The following DLGAP3 variants were observed in gnomAD, a reference collection of about 807,000 sequenced individuals.
The protein encoded by DLGAP3 is disks large-associated protein 3.
A neutral mutation model predicts 81.2 loss-of-function variants in DLGAP3; 17 were observed. That is an observed-to-expected ratio of 0.21 (90% CI 0.14 to 0.31). The LOEUF (loss-of-function observed/expected upper bound fraction) is 0.31, where lower values mean the gene tolerates loss of function less well. Ranked by LOEUF, DLGAP3 falls within the 10% of genes least tolerant of loss-of-function variation. The probability of loss-of-function intolerance (pLI) is 1.00; values close to 1 mark genes in which losing one functional copy is unlikely to be tolerated. For missense variants in DLGAP3, 1,124 were observed against 1,388.0 expected, an observed-to-expected ratio of 0.81 and a Z score of 3.02; for synonymous variants, 577 against 587.4, an observed-to-expected ratio of 0.98 and a Z score of 0.26.
At chr1:34,897,307 A>C (rs1309562602) in intron 5 of DLGAP3, among the ~76,000 whole-genome samples, 1 of 152,216 alleles carries the variant, frequency 6.6e-6, no homozygotes, top group African/African-American at 2.4e-5. Context: ...GGAAGAAGAC[A>C]GAGAAGACCT....
chr1:34,885,345 G>A lies in DLGAP3; in HGVS notation c.1914+133C>T, dbSNP rs1639203756. 4.8e-6 allele frequency: 5 copies of A among 1,035,052 alleles called. No homozygotes were observed. The South Asian group carries it at 5.7e-5, about 12-fold the overall frequency. The allele number at this position is 1,035,052 out of a possible 1,614,324, so 64.1% of individuals were successfully genotyped here. On this transcript the variant is annotated intron_variant, in intron 7 of 11. Coordinates refer to ENST00000373347, the MANE Select transcript of DLGAP3 (RefSeq NM_001080418.3). ...GCTGGAGCAGCCCCGTCGATGTCCA[G>A]GCACGGGGTTCACTTGCAGCTCAGG...
intron 5 of DLGAP3, among the ~76,000 whole-genome samples, chr1:34,899,087 CTTTTTT>C (rs58075518): frequency 7.0e-6 from 1 of 142,112 alleles, no homozygotes; most frequent in Non-Finnish European, 1.5e-5. Flanking sequence ...ATCAATTCTA[CTTTTTT>C]TTTTTTTTTT....
chr1:34,865,659 G>C lies in DLGAP3; in HGVS notation c.*424C>G. 3.5e-6 allele frequency: 1 copy of C among 286,800 alleles called. No individual in the cohort carries two copies. The highest frequency in any genetic ancestry group is 6.8e-6 in the Non-Finnish European group (1 of 147,550). 17.8% of individuals were successfully genotyped at this position (286,800 alleles called of 1,614,324 possible). A position where few individuals can be genotyped will look rare whatever the true frequency, so the allele number is the denominator to read the frequency against. On this transcript the variant is annotated 3_prime_UTR_variant, in exon 12 of 12. Coordinates refer to ENST00000373347, the MANE Select transcript of DLGAP3 (RefSeq NM_001080418.3). ...AGGGTGGGGCGGGCTCCTAGGCAGG[G>C]TTCGGGATTCTTCATAAAAAGCCAC...
At chr1:34,916,187 C>T (rs889313134) in intron 1 of DLGAP3, among the ~76,000 whole-genome samples, 3 of 152,110 alleles carry the variant, frequency 2.0e-5, no homozygotes, top group African/African-American at 7.2e-5. Flanking sequence ...GCGATGACTC[C>T]CTGCAGCTGG....
intron 1 of DLGAP3, among the ~76,000 whole-genome samples, chr1:34,908,597 C>T (rs1351453308): frequency 6.6e-6 from 1 of 152,180 alleles, no homozygotes; most frequent in Non-Finnish European, 1.5e-5. Context: ...TTATTAGACA[C>T]AGGGATGTCA....
intron 1 of DLGAP3, among the ~76,000 whole-genome samples, chr1:34,928,664 G>A (rs72657955): frequency 0.053 from 8,000 of 151,964 alleles, 265 homozygotes; most frequent in Middle Eastern, 0.19. Context: ...CCCAGGTGTG[G>A]GTGATTCAGA....
At chr1:34,880,016 A>G (rs546137599) in intron 8 of DLGAP3, among the ~76,000 whole-genome samples, 1 of 152,316 alleles carries the variant, frequency 6.6e-6, no homozygotes, top group East Asian at 1.9e-4. Flanking sequence ...AAAGACGAAT[A>G]AAATGTAAGT....
chr1:34,870,218 A>G (rs1000915030), intron 8 of DLGAP3, among the ~76,000 whole-genome samples: 1 of 152,168 alleles, frequency 6.6e-6, no homozygotes, highest in Admixed American at 6.5e-5. Context: ...CTGAATTCAG[A>G]GTTCTTTTCT....
intron 1 of DLGAP3, among the ~76,000 whole-genome samples, chr1:34,927,476 G>A (rs1438572202): frequency 7.2e-5 from 11 of 152,134 alleles, no homozygotes; most frequent in Admixed American, 5.2e-4. Flanking sequence ...AAGCTCACTC[G>A]TTGGATGTGA....
chr1:34,886,450 G>A (rs979865953), intron 5 of DLGAP3, among the ~76,000 whole-genome samples, 165 bp from the exon 6 acceptor site: 16 of 152,212 alleles, frequency 1.1e-4, no homozygotes, highest in African/African-American at 3.6e-4. Context: ...AAGAAAGATG[G>A]GGGCATCTCT....
At chr1:34,928,724 C>T (rs1050506959) in intron 1 of DLGAP3, among the ~76,000 whole-genome samples, 4 of 151,790 alleles carry the variant, frequency 2.6e-5, no homozygotes, top group African/African-American at 7.3e-5. Flanking sequence ...CGCACGCGCG[C>T]GCACACGCAC....
At chr1:34,918,514 CA>C (rs1405343730) in intron 1 of DLGAP3, among the ~76,000 whole-genome samples, 1 of 152,204 alleles carries the variant, frequency 6.6e-6, no homozygotes, top group African/African-American at 2.4e-5. Context: ...GTGGGTCCAG[CA>C]CGTGGCTAAT....
Position 34,885,715 on chromosome 1 carries a change from C to T in DLGAP3, c.1677G>A (p.Gln559=). Reference sequence around the variant, plus strand: ...TCTCGTGCGCGGAGTCGGTGCTGCTCTGGGCGGTGATGGAGATGCGGGGCG... The same window carrying T: ...TCTCGTGCGCGGAGTCGGTGCTGCTTTGGGCGGTGATGGAGATGCGGGGCG... The part of the protein sequence containing the change: ...QAPPRISITA[Q]SSTDSAHESF... Residue 559 remains glutamine (Q), a synonymous_variant, in exon 7 of 12, where the codon CAG becomes CAA. Transcript: ENST00000373347. The T allele has an allele frequency of 7.0e-7, 1 of 1,426,674 alleles. No individual in the cohort carries two copies. The highest frequency in any genetic ancestry group is 9.1e-7 in the Non-Finnish European group (1 of 1,099,612). The allele number at this position is 1,426,674 out of a possible 1,614,324, so 88.4% of individuals were successfully genotyped here.
intron 8 of DLGAP3, among the ~76,000 whole-genome samples, chr1:34,876,465 G>A (rs1639058822): frequency 2.0e-5 from 3 of 152,234 alleles, no homozygotes; most frequent in South Asian, 2.1e-4. Flanking sequence ...GGCTGTGTGT[G>A]GCGGGCCAGG....
Position 34,904,289 on chromosome 1 carries a change from A to T in DLGAP3, c.1095T>A (p.Tyr365Ter). ...AAAAAAGCCTCACCTGCAGATAGTG[A>T]TAAGTCCTGGCTTTGGCCTTGGTCT... ...GPETKAKART[Y>*]HYLQVPQDDW... The change falls in exon 3 of 12, where the codon TAT (tyrosine) becomes TAA (stop). Residue 365 changes from tyrosine (Y) to a stop codon, truncating the protein, a stop_gained. Transcript: ENST00000373347. LOFTEE classifies it high-confidence loss of function. The surrounding 1 kb of genome is among the most constrained non-coding windows in gnomAD (Gnocchi z 8.1). The T allele has an allele frequency of 6.2e-7, 1 of 1,605,072 alleles. No homozygotes were observed. Among genetic ancestry groups the T allele is most frequent in the East Asian group, 2.2e-5 (1 of 44,874 alleles).
At chr1:34,916,128 C>T (rs992737401) in intron 1 of DLGAP3, among the ~76,000 whole-genome samples, 3 of 152,066 alleles carry the variant, frequency 2.0e-5, no homozygotes, top group Non-Finnish European at 4.4e-5. Context: ...AAGGAGTGCC[C>T]CACAGCTAAG....
chr1:34,871,769 T>G (rs771586500), intron 8 of DLGAP3, among the ~76,000 whole-genome samples: 35 of 152,148 alleles, frequency 2.3e-4, no homozygotes, highest in African/African-American at 4.8e-5. Context: ...TGAGATGTCT[T>G]GAGAGGATCC....
chr1:34,910,377 T>G (rs1639620867), intron 1 of DLGAP3, among the ~76,000 whole-genome samples: 1 of 152,210 alleles, frequency 6.6e-6, no homozygotes, highest in Non-Finnish European at 1.5e-5. Flanking sequence ...CCCGCTCCAA[T>G]CCAAATGGTC....
chr1:34,892,313 G>GA (rs1157240702), intron 5 of DLGAP3, among the ~76,000 whole-genome samples: 1 of 151,922 alleles, frequency 6.6e-6, no homozygotes, highest in Non-Finnish European at 1.5e-5. Context: ...ATAATGGAGA[G>GA]AAAAAATATT....
Sources: allele counts gnomAD v4.1 joint callset (sites outside exome capture counted in the v4.1 genomes callset), GRCh38; gene constraint gnomAD v4.1.1; non-coding constraint Gnocchi (gnomAD v3.1); transcripts MANE v1.5; gene names NCBI Gene and HGNC (gene_info 2026-07-23, HGNC 2026-07-21).